Variants in CASK observed in about 807,000 individuals in gnomAD.
The protein encoded by CASK is peripheral plasma membrane protein CASK.
CASK carries 4 observed loss-of-function variants against 82.9 expected under a neutral mutation model. That is an observed-to-expected ratio of 0.05 (90% CI 0.02 to 0.11). CASK has a LOEUF of 0.11. Ranked by LOEUF, CASK falls within the 10% of genes least tolerant of loss-of-function variation. CASK has a pLI of 1.00. For missense variants in CASK, 358 were observed against 720.9 expected (o/e 0.50, Z 5.76); for synonymous variants, 259 against 253.5 (o/e 1.02, Z -0.20).
intron 5 of CASK, among the ~76,000 whole-genome samples, chrX:41,681,270 A>G (rs1396900232): frequency 1.8e-5 from 2 of 112,399 alleles, no homozygotes; most frequent in African/African-American, 6.5e-5. Flanking sequence ...GTACTATAAA[A>G]ATGTACACAA....
At chrX:41,883,584 T>TC (rs2071989828) in intron 1 of CASK, among the ~76,000 whole-genome samples, 1 of 111,190 alleles carries the variant, frequency 9.0e-6, no homozygotes, top group African/African-American at 3.3e-5. Context: ...ATGTGGCTTC[T>TC]CCCCCGTGGA....
Position 41,518,018 on chromosome X carries a change from T to C in CASK, c.*2402A>G, listed in dbSNP as rs2064584647. The C allele has an allele frequency of 5.4e-6, 2 of 371,932 alleles. No homozygotes were observed. The highest frequency in any genetic ancestry group is 9.4e-6 in the Non-Finnish European group (2 of 211,820). The allele number at this position is 371,932 out of a possible 1,213,427, so 30.7% of individuals were successfully genotyped here. ...CTGCCTGTGTGCTTCTCAGAGGACGTATAAAGCCACTGAGGATGAGTGCTA... is the reference window on the plus strand; with the variant it reads ...CTGCCTGTGTGCTTCTCAGAGGACGCATAAAGCCACTGAGGATGAGTGCTA... On this transcript the variant is annotated 3_prime_UTR_variant, in exon 27 of 27. Transcript: ENST00000378163.
At chrX:41,783,480 C>T (rs1012742096) in intron 3 of CASK, among the ~76,000 whole-genome samples, 7 of 103,433 alleles carry the variant, frequency 6.8e-5, no homozygotes, top group Admixed American at 3.2e-4. Context: ...ACCTGGGAGA[C>T]GGAGGTTGCA....
At chrX:41,782,013 A>C (rs1192599851) in intron 3 of CASK, among the ~76,000 whole-genome samples, 2 of 111,859 alleles carry the variant, frequency 1.8e-5, no homozygotes, top group African/African-American at 6.5e-5. Flanking sequence ...ATCAGGGAAA[A>C]CTGAGTATCA....
At chrX:41,662,416 A>G (rs2067049403) in intron 7 of CASK, among the ~76,000 whole-genome samples, 3 of 111,935 alleles carry the variant, frequency 2.7e-5, no homozygotes, top group Admixed American at 1.9e-4. Context: ...TGCATTTAAA[A>G]GGTGTCATCA....
intron 3 of CASK, among the ~76,000 whole-genome samples, chrX:41,747,615 TTTG>T (rs2147741395): frequency 9.0e-6 from 1 of 111,463 alleles, no homozygotes; most frequent in South Asian, 3.8e-4. Flanking sequence ...ATTTTTTGTA[TTTG>T]TTTTAGTAGA....
intron 11 of CASK, among the ~76,000 whole-genome samples, chrX:41,619,970 T>G (rs2066261750): frequency 8.9e-6 from 1 of 112,531 alleles, no homozygotes; most frequent in African/African-American, 3.2e-5. Context: ...ACTTCACCCT[T>G]AAAGACTTCA....
At chrX:41,636,690 T>C (rs369672215) in intron 8 of CASK, 29 bp from the exon 9 acceptor site, 9 of 957,888 alleles carry the variant, frequency 9.4e-6, no homozygotes, top group African/African-American at 1.9e-5. Flanking sequence ...AATGAACATA[T>C]ATAACCGTTT....
At chrX:41,913,667 G>T (rs61327288) in intron 1 of CASK, among the ~76,000 whole-genome samples, 11,775 of 112,091 alleles carry the variant, frequency 0.11, 874 homozygotes, top group African/African-American at 0.27. Flanking sequence ...CTGAGAATGT[G>T]CACATTTGGA....
chrX:41,696,416 T>C (rs147982620), intron 5 of CASK: 79 of 1,185,260 alleles, frequency 6.7e-5, no homozygotes, highest in Non-Finnish European at 8.7e-5. Flanking sequence ...CTGGTAAATA[T>C]GCCACTACAG....
chrX:41,700,927 G>A (rs1179181416), intron 5 of CASK, among the ~76,000 whole-genome samples: 10 of 18,533 alleles, frequency 5.4e-4, no homozygotes, highest in East Asian at 3.4e-3. Flanking sequence ...GTGAGACTCC[G>A]TCTCAAAAAA....
At chrX:41,644,283 G>C (rs1282852611) in intron 8 of CASK, among the ~76,000 whole-genome samples, 1 of 111,745 alleles carries the variant, frequency 8.9e-6, no homozygotes, top group African/African-American at 3.3e-5. Context: ...AGAAGAACGT[G>C]GATTATGAAG....
At chrX:41,859,664 G>A (rs1399519221) in intron 1 of CASK, among the ~76,000 whole-genome samples, 2 of 112,149 alleles carry the variant, frequency 1.8e-5, no homozygotes, top group Non-Finnish European at 3.8e-5. Flanking sequence ...CAAGAAGGCT[G>A]TGATGTGCCT....
chrX:41,719,732 G>T (rs914785527), intron 5 of CASK, among the ~76,000 whole-genome samples: 2 of 111,722 alleles, frequency 1.8e-5, no homozygotes, highest in African/African-American at 6.5e-5. Context: ...TATCTGTCCC[G>T]ATTGGCTAGC....
intron 1 of CASK, among the ~76,000 whole-genome samples, chrX:41,883,893 C>G (rs2071996731): frequency 9.0e-6 from 1 of 111,668 alleles, no homozygotes; most frequent in African/African-American, 3.3e-5. Context: ...TCAGTTCATT[C>G]TAATTGTTGC....
At chrX:41,732,835 ATCC>A (rs2068422433) in intron 5 of CASK, among the ~76,000 whole-genome samples, 2 of 108,741 alleles carry the variant, frequency 1.8e-5, no homozygotes, top group South Asian at 8.1e-4. Context: ...GGCTCAAGCA[ATCC>A]TCCTGCCTCA....
intron 2 of CASK, among the ~76,000 whole-genome samples, chrX:41,789,555 G>A (rs954471585): frequency 3.6e-5 from 4 of 111,812 alleles, no homozygotes; most frequent in Non-Finnish European, 7.5e-5. Context: ...TCATAACCAT[G>A]AGGAAAGCTT....
At chrX:41,702,481 C>T (rs1008638440) in intron 5 of CASK, among the ~76,000 whole-genome samples, 2 of 110,701 alleles carry the variant, frequency 1.8e-5, no homozygotes, top group African/African-American at 6.6e-5. Flanking sequence ...TACCACTCAT[C>T]ATAATTGTGT....
At chrX:41,761,332 T>A (rs2147775354) in intron 3 of CASK, among the ~76,000 whole-genome samples, 1 of 111,462 alleles carries the variant, frequency 9.0e-6, no homozygotes, top group East Asian at 2.8e-4. Flanking sequence ...TAACTGTAAA[T>A]AACCATGCCA....
Sources: allele counts gnomAD v4.1 joint callset (sites outside exome capture counted in the v4.1 genomes callset), GRCh38; gene constraint gnomAD v4.1.1; transcripts MANE v1.5; gene names NCBI Gene and HGNC (gene_info 2026-07-23, HGNC 2026-07-21).